The following ALX4 variants were observed in gnomAD, a reference collection of about 807,000 sequenced individuals.
ALX4 encodes homeobox protein aristaless-like 4.
Under a neutral mutation model 40.6 loss-of-function variants are expected in ALX4, and 22 were observed. The observed-to-expected ratio is 0.54, with a 90% CI of 0.39 to 0.77. ALX4 has a LOEUF of 0.77. ALX4 is among the 30% of genes least tolerant of loss of function. The pLI is 0.00. For synonymous variants in ALX4, 266 were observed against 240.5 expected, an observed-to-expected ratio of 1.11 and a Z score of -0.98; for missense variants, 556 against 564.8, an observed-to-expected ratio of 0.98 and a Z score of 0.16.
chr11:44,277,480 C>T (rs950774113), intron 1 of ALX4, among the ~76,000 whole-genome samples: 1 of 152,222 alleles, frequency 6.6e-6, no homozygotes, highest in Non-Finnish European at 1.5e-5. Flanking sequence ...CGACCTTTCA[C>T]GTGCACGAGC....
chr11:44,295,150 T>A (rs943064203), intron 1 of ALX4, among the ~76,000 whole-genome samples: 11 of 152,068 alleles, frequency 7.2e-5, no homozygotes, highest in African/African-American at 2.7e-4. Flanking sequence ...CACACCTGGC[T>A]TTGTCCTTGC....
At chr11:44,271,404 T>C (rs868747587) in intron 2 of ALX4, among the ~76,000 whole-genome samples, 2 of 152,206 alleles carry the variant, frequency 1.3e-5, no homozygotes, top group Non-Finnish European at 2.9e-5. Flanking sequence ...GGGCCTCTTC[T>C]TCCTCGTCTA....
At chr11:44,278,062 T>C (rs1956288070) in intron 1 of ALX4, among the ~76,000 whole-genome samples, 1 of 148,954 alleles carries the variant, frequency 6.7e-6, no homozygotes, top group South Asian at 2.2e-4. Flanking sequence ...AAAATAACCA[T>C]CCCTGTTTTG....
At chr11:44,303,203 G>A (rs1180164386) in intron 1 of ALX4, among the ~76,000 whole-genome samples, 2 of 152,104 alleles carry the variant, frequency 1.3e-5, no homozygotes, top group East Asian at 1.9e-4. Context: ...GTCCCTCTAC[G>A]AGGTGCGTGG....
Position 44,265,033 on chromosome 11 carries a change from A to T in ALX4, c.1057T>A (p.Ser353Thr), listed in dbSNP as rs1284621297. 6.2e-7 allele frequency: 1 copy of T among 1,613,096 alleles called. No homozygotes were observed. The highest frequency in any genetic ancestry group is 1.7e-5 in the Admixed American group (1 of 60,026). ...TGGCCCACGTGACTGCCAGCCCCAG[A>T]CACACTCAGGAAGTCGGTGACGCTG... ...ASSVTDFLSV[S>T]GAGSHVGQTH... The change falls in exon 4 of 4, where the codon TCT (serine) becomes ACT (threonine). Residue 353 changes from serine (S) to threonine (T), a missense_variant. Transcript: ENST00000652299.
chr11:44,299,997 T>C (rs1956426116), intron 1 of ALX4, among the ~76,000 whole-genome samples: 2 of 152,348 alleles, frequency 1.3e-5, no homozygotes, highest in African/African-American at 2.4e-5. Flanking sequence ...GGCTGTCTCA[T>C]GGTTCTGCAG....
chr11:44,272,808 C>CA (rs1353997023), intron 2 of ALX4, among the ~76,000 whole-genome samples: 1 of 144,810 alleles, frequency 6.9e-6, no homozygotes, highest in Non-Finnish European at 1.5e-5. Context: ...GATCCTGTCT[C>CA]AAAAAATAAA....
intron 1 of ALX4, among the ~76,000 whole-genome samples, chr11:44,293,152 GA>G (rs1565007444): frequency 0.1 from 7,328 of 73,388 alleles, 1,070 homozygotes; most frequent in African/African-American, 0.14. Context: ...AGGAAGGAAG[GA>G]AGGAAGGAAG....
intron 2 of ALX4, among the ~76,000 whole-genome samples, chr11:44,271,694 A>T (rs1956248112): frequency 6.6e-6 from 1 of 152,210 alleles, no homozygotes; most frequent in Non-Finnish European, 1.5e-5. Flanking sequence ...GGAAGTAGGT[A>T]TAAGTGTGTG....
At chr11:44,283,681 G>A (rs530346761) in intron 1 of ALX4, among the ~76,000 whole-genome samples, 113 of 152,118 alleles carry the variant, frequency 7.4e-4, no homozygotes, top group African/African-American at 2.7e-3. Flanking sequence ...GTCGGACCTC[G>A]GCCTCCTGAG....
chr11:44,287,977 T>G (rs1186988332), intron 1 of ALX4, among the ~76,000 whole-genome samples: 2 of 152,170 alleles, frequency 1.3e-5, no homozygotes, highest in Non-Finnish European at 2.9e-5. Context: ...ACTTACTCTT[T>G]TTTTGTTTGT....
intron 1 of ALX4, among the ~76,000 whole-genome samples, chr11:44,305,753 C>G (rs1956463257): frequency 6.6e-6 from 1 of 152,258 alleles, no homozygotes; most frequent in Non-Finnish European, 1.5e-5. Context: ...CCGCGCCTCC[C>G]CAGACCTTGG....
intron 2 of ALX4, among the ~76,000 whole-genome samples, chr11:44,274,419 G>C (rs529290167): frequency 6.6e-6 from 1 of 151,098 alleles, no homozygotes; most frequent in African/African-American, 2.4e-5. Context: ...AGTTCTATTG[G>C]GTTGTGTTGT....
rs1257886628 is a variant in ALX4 at position 44,309,880 on chromosome 11, C to T, written c.183G>A (p.Lys61=). The part of the protein sequence containing the change: ...AAKAQGFGDA[K]SRARYGAGQQ... Reference sequence around the variant, plus strand: ...GCCCAGCGCCGTAACGGGCCCGGCTCTTGGCGTCCCCGAATCCCTGTGCTT... The same window carrying T: ...GCCCAGCGCCGTAACGGGCCCGGCTTTTGGCGTCCCCGAATCCCTGTGCTT... The change falls in exon 1 of 4, where the codon AAG becomes AAA. Residue 61 remains lysine, a synonymous_variant. Transcript: ENST00000652299. 1 of 1,576,210 alleles carries T rather than the reference C, an allele frequency of 6.3e-7. No homozygotes were observed. The highest frequency in any genetic ancestry group is 8.6e-7 in the Non-Finnish European group (1 of 1,160,256).
At chr11:44,286,198 G>T (rs1389093503) in intron 1 of ALX4, among the ~76,000 whole-genome samples, 1 of 152,216 alleles carries the variant, frequency 6.6e-6, no homozygotes, top group African/African-American at 2.4e-5. Flanking sequence ...GGATGAGGGG[G>T]GTCGAGGAAA....
intron 1 of ALX4, among the ~76,000 whole-genome samples, chr11:44,304,478 C>T (rs887127345): frequency 6.6e-6 from 1 of 152,128 alleles, no homozygotes; most frequent in African/African-American, 2.4e-5. Context: ...GCGAGAGGCT[C>T]ACCAAGGCAG....
In ALX4 at chr11:44,264,757, G is replaced by C. The variant is rs1197853314; in HGVS notation, c.*97C>G. Reference sequence around the variant, plus strand: ...AGGGTCAGGCCCCTGGCCCAGGCCAGGTTCCTAAGAGGAAAGTCGAGTGGG... The same window carrying C: ...AGGGTCAGGCCCCTGGCCCAGGCCACGTTCCTAAGAGGAAAGTCGAGTGGG... On this transcript the variant is annotated 3_prime_UTR_variant, in exon 4 of 4. Coordinates refer to ENST00000652299, the MANE Select transcript of ALX4 (RefSeq NM_021926.4). 1.4e-6 allele frequency: 2 copies of C among 1,418,432 alleles called. No homozygotes were observed. Among genetic ancestry groups the C allele is most frequent in the Non-Finnish European group, 1.9e-6 (2 of 1,038,248 alleles). 87.9% of individuals were successfully genotyped at this position (1,418,432 alleles called of 1,614,324 possible).
At chr11:44,277,489 GC>G (rs1285281568) in intron 1 of ALX4, among the ~76,000 whole-genome samples, 1 of 152,198 alleles carries the variant, frequency 6.6e-6, no homozygotes, top group Non-Finnish European at 1.5e-5. Flanking sequence ...ACGTGCACGA[GC>G]TTTGATCATC....
chr11:44,279,047 C>G (rs1590693313), intron 1 of ALX4, among the ~76,000 whole-genome samples: 1 of 152,334 alleles, frequency 6.6e-6, no homozygotes. Flanking sequence ...AAGCACAGCC[C>G]TCTCAGAGTC....
Sources: gnomAD v4.1 joint callset for allele counts (sites outside exome capture counted in the v4.1 genomes callset) on GRCh38, gnomAD v4.1.1 for gene constraint, MANE v1.5 for transcripts, NCBI Gene and HGNC (gene_info 2026-07-23, HGNC 2026-07-21) for gene names.